The following PTK2 variants were observed in gnomAD, a reference collection of about 807,000 sequenced individuals.
The protein encoded by PTK2 is focal adhesion kinase 1.
PTK2 carries 45 observed loss-of-function variants against 150.1 expected under a neutral mutation model. That is an observed-to-expected ratio of 0.30 (90% CI 0.24 to 0.38). The LOEUF is 0.38. PTK2 is among the 10% of genes least tolerant of loss of function. The pLI is 1.00. For missense variants in PTK2, 919 were observed against 1,307.3 expected (o/e 0.70, Z 4.58); for synonymous variants, 432 against 449.2 (o/e 0.96, Z 0.48).
At chr8:140,826,757 A>G (rs2100111986) in intron 8 of PTK2, among the ~76,000 whole-genome samples, 1 of 152,056 alleles carries the variant, frequency 6.6e-6, no homozygotes, top group Non-Finnish European at 1.5e-5. Context: ...TCTACAGAAA[A>G]AAATACAAAA....
intron 1 of PTK2, among the ~76,000 whole-genome samples, chr8:140,978,704 G>A (rs1455637993): frequency 6.6e-6 from 1 of 151,930 alleles, no homozygotes; most frequent in African/African-American, 2.4e-5. Context: ...TCAGTGTGGT[G>A]ATTCCTCAGG....
intron 30 of PTK2, among the ~76,000 whole-genome samples, chr8:140,667,973 G>C (rs1163856105): frequency 6.6e-6 from 1 of 152,172 alleles, no homozygotes; most frequent in African/African-American, 2.4e-5. Flanking sequence ...TACTTTTGCA[G>C]CTTTCTCTTT....
intron 14 of PTK2, among the ~76,000 whole-genome samples, chr8:140,773,428 A>G (rs992170321): frequency 1.3e-5 from 2 of 152,198 alleles, no homozygotes; most frequent in Non-Finnish European, 2.9e-5. Flanking sequence ...CTAGGGAAAA[A>G]CCAGCAGAAG....
At chr8:140,873,817 T>C (rs2100143980) in intron 4 of PTK2, among the ~76,000 whole-genome samples, 1 of 152,234 alleles carries the variant, frequency 6.6e-6, no homozygotes, top group African/African-American at 2.4e-5. Context: ...GTTGACTGCA[T>C]GTGTTACAAA....
intron 5 of PTK2, among the ~76,000 whole-genome samples, chr8:140,847,423 GC>G (rs767127730): frequency 1.8e-4 from 28 of 152,268 alleles, no homozygotes; most frequent in Admixed American, 1.7e-3. Flanking sequence ...ATCAATACGT[GC>G]AAGTAACTGT....
intron 10 of PTK2, among the ~76,000 whole-genome samples, chr8:140,816,168 T>A (rs1456417208): frequency 6.6e-6 from 1 of 152,148 alleles, no homozygotes; most frequent in Non-Finnish European, 1.5e-5. Context: ...ATCAAGAATA[T>A]CTTCTATGCT....
intron 22 of PTK2, among the ~76,000 whole-genome samples, chr8:140,730,934 T>C (rs1366227982): frequency 7.0e-6 from 1 of 142,846 alleles, no homozygotes; most frequent in Non-Finnish European, 1.5e-5. Context: ...TTAACTGAAG[T>C]AACCAGGAAT....
intron 1 of PTK2, among the ~76,000 whole-genome samples, chr8:140,935,166 T>C (rs527791202): frequency 1.3e-5 from 2 of 152,310 alleles, no homozygotes; most frequent in Admixed American, 6.5e-5. Context: ...TTATATCTAT[T>C]AGACAAACTG....
At chr8:140,713,331 G>C (rs1293640812) in intron 23 of PTK2, among the ~76,000 whole-genome samples, 2 of 152,202 alleles carry the variant, frequency 1.3e-5, no homozygotes, top group African/African-American at 2.4e-5. Context: ...CGCGATCTCA[G>C]CTCAGTGCAA....
At chr8:140,696,640 G>A (rs571992349) in intron 26 of PTK2, among the ~76,000 whole-genome samples, 3 of 152,150 alleles carry the variant, frequency 2.0e-5, no homozygotes, top group Admixed American at 2.0e-4. Flanking sequence ...AGACAAAAAG[G>A]TGTTCCTCAG....
intron 26 of PTK2, among the ~76,000 whole-genome samples, chr8:140,691,070 T>G (rs2100022890): frequency 6.6e-6 from 1 of 152,204 alleles, no homozygotes; most frequent in Non-Finnish European, 1.5e-5. Context: ...TGTTGGATAT[T>G]AGGGTCATTT....
At chr8:140,895,078 A>G (rs2100155631) in intron 2 of PTK2, among the ~76,000 whole-genome samples, 1 of 152,246 alleles carries the variant, frequency 6.6e-6, no homozygotes, top group African/African-American at 2.4e-5. Context: ...CAACAATTAC[A>G]AAATAACTAG....
upstream of PTK2, chr8:141,001,344 G>T (rs2100200203): frequency 6.7e-6 from 1 of 149,248 alleles, no homozygotes; most frequent in Admixed American, 6.7e-5. Context: ...GTCCTCTCTC[G>T]GCAGCGCACG....
At chr8:140,960,169 T>C (rs1356267552) in intron 1 of PTK2, among the ~76,000 whole-genome samples, 1 of 149,552 alleles carries the variant, frequency 6.7e-6, no homozygotes, top group Non-Finnish European at 1.5e-5. Flanking sequence ...AAAAACACAT[T>C]GTAAATGCAA....
chr8:140,668,632 T>C, intron 29 of PTK2: 2 of 516,532 alleles, frequency 3.9e-6, no homozygotes, highest in Non-Finnish European at 6.5e-6. Flanking sequence ...TCTTTCTAAC[T>C]TTGAGCTCAG....
intron 5 of PTK2, among the ~76,000 whole-genome samples, chr8:140,860,759 C>T (rs990337410): frequency 5.9e-5 from 9 of 152,180 alleles, no homozygotes; most frequent in African/African-American, 9.6e-5. Context: ...CAGGCGTTAG[C>T]CACCGCACCC....
chr8:140,819,057 C>T (rs1256049597), intron 8 of PTK2, 37 bp from the exon 9 acceptor site: 1 of 1,603,910 alleles, frequency 6.2e-7, no homozygotes, highest in East Asian at 2.2e-5. Flanking sequence ...TTGTAAAAAT[C>T]AGCAATGAGT....
chr8:140,903,906 G>A (rs535162453), intron 2 of PTK2, among the ~76,000 whole-genome samples: 48 of 152,258 alleles, frequency 3.2e-4, no homozygotes, highest in Admixed American at 5.9e-4. Flanking sequence ...CTAAGATGAT[G>A]GGGTTTTCTA....
chr8:140,818,293 G>A (rs760157730), exon 10 of PTK2: 3 of 1,613,568 alleles, frequency 1.9e-6, no homozygotes, highest in South Asian at 1.1e-5. Flanking sequence ...GCCCTTGTCC[G>A]TTAGGTAACT....
Sources: gnomAD v4.1 joint callset for allele counts (sites outside exome capture counted in the v4.1 genomes callset) on GRCh38, gnomAD v4.1.1 for gene constraint, MANE v1.5 for transcripts, NCBI Gene and HGNC (gene_info 2026-07-23, HGNC 2026-07-21) for gene names.